Variants in ZNF493 observed in about 807,000 individuals in gnomAD.
ZNF493 encodes the protein zinc finger protein 493.
Under a neutral mutation model 12.2 loss-of-function variants are expected in ZNF493, and 11 were observed. The ratio of observed to expected loss-of-function variants is 0.90; its 90% CI spans 0.57 to 1.50. The LOEUF is 1.50. ZNF493 is among the 40% of genes most tolerant of loss of function. The pLI is 0.00. For missense variants in ZNF493, 950 were observed against 906.6 expected (o/e 1.05, Z -0.61); for synonymous variants, 286 against 302.6 (o/e 0.95, Z 0.57).
At position 21,423,596 on chromosome 19, in the gene ZNF493, A is replaced by G; in HGVS notation, c.937A>G (p.Ile313Val). 2 of 1,609,636 alleles carry G rather than the reference A, an allele frequency of 1.2e-6. No homozygotes were observed. Among genetic ancestry groups the G allele is most frequent in the East Asian group, 2.2e-5 (1 of 44,788 alleles). Residue 313 changes from isoleucine to valine, a missense_variant, in exon 4 of 4, where the codon ATA becomes GTA. By Grantham distance (29) the Ile-to-Val change is conservative (BLOSUM62 3). Coordinates refer to ENST00000392288, the MANE Select transcript of ZNF493 (RefSeq NM_001076678.3). ...NQSSTLTGHK[I>V]IHNGEKPYKC... ...ATCTTCAACCCTTACTGGACATAAG[A>G]TAATTCATAATGGAGAAAAACCCTA...
chr19:21,424,178 CATAAA>C lies in ZNF493; in HGVS notation c.1524_1528del (p.Lys508AsnfsTer11). ...TAACCAATCTTCAACCCTTAGTATA[CATAAA>C]ATAATTCATACTGGAGAAAAACCCT... On this transcript the variant is annotated frameshift_variant, in exon 4 of 4. Coordinates refer to ENST00000392288, the MANE Select transcript of ZNF493 (RefSeq NM_001076678.3). LOFTEE classifies it low-confidence loss of function (END_TRUNC). 1 of 1,613,536 alleles carries C rather than the reference CATAAA, an allele frequency of 6.2e-7. No individual in the cohort carries two copies. The highest frequency in any genetic ancestry group is 8.5e-7 in the Non-Finnish European group (1 of 1,179,774).
At chr19:21,416,927 C>T (rs1008375712) in intron 3 of ZNF493, among the ~76,000 whole-genome samples, 1 of 152,182 alleles carries the variant, frequency 6.6e-6, no homozygotes, top group African/African-American at 2.4e-5. Flanking sequence ...CTGTTGGGAA[C>T]TTTAGCGGGG....
chr19:21,413,480 T>C (rs1438222745), intron 3 of ZNF493: 6 of 405,030 alleles, frequency 1.5e-5, no homozygotes, highest in African/African-American at 1.0e-4. Flanking sequence ...TCTTCCGCCA[T>C]CTGTGACAGC....
intron 3 of ZNF493, chr19:21,408,878 T>TTTA: frequency 1.2e-6 from 1 of 850,560 alleles, no homozygotes; most frequent in Non-Finnish European, 1.4e-6. Context: ...TCTTTCTTTC[T>TTTA]TTCTTTTTTT....
Position 21,423,300 on chromosome 19 carries a change from A to C in ZNF493, c.641A>C (p.Glu214Ala), listed in dbSNP as rs1043949679. The change falls in exon 4 of 4, where the codon GAA becomes GCA. Residue 214 changes from glutamate (E) to alanine (A), a missense_variant. By Grantham distance (107) the Glu-to-Ala change is moderately radical (BLOSUM62 -1). Coordinates refer to ENST00000392288, the MANE Select transcript of ZNF493 (RefSeq NM_001076678.3). ...HIRENSYRCE[E>A]CGKAFIWFST... ...AGAGAGAATTCTTACCGATGTGAAGAATGTGGCAAAGCCTTTATCTGGTTT... is the reference window on the plus strand; with the variant it reads ...AGAGAGAATTCTTACCGATGTGAAGCATGTGGCAAAGCCTTTATCTGGTTT... 3.7e-6 allele frequency: 6 copies of C among 1,613,774 alleles called. No homozygotes were observed. In the Admixed American group the frequency reaches 1.0e-4, roughly 27 times the overall value.
intron 1 of ZNF493, among the ~76,000 whole-genome samples, chr19:21,402,295 T>C (rs2029974259): frequency 6.6e-6 from 1 of 152,170 alleles, no homozygotes. Context: ...CTAATTCAAT[T>C]TTGGAGCTTG....
At chr19:21,408,392 G>A in intron 3 of ZNF493, 1 of 975,694 alleles carries the variant, frequency 1.0e-6, no homozygotes, top group Non-Finnish European at 1.2e-6. Context: ...GGCCTCCTGG[G>A]TGCTGGGATT....
Position 21,424,298 on chromosome 19 carries a change from T to A in ZNF493, c.1639T>A (p.Cys547Ser), listed in dbSNP as rs1312474759. The part of the protein sequence containing the change: ...MIHTGEKPYK[C>S]EECGKAFNRS... Reference sequence around the variant, plus strand: ...TCACACTGGAGAAAAACCCTACAAATGTGAAGAATGTGGCAAAGCTTTTAA... The same window carrying A: ...TCACACTGGAGAAAAACCCTACAAAAGTGAAGAATGTGGCAAAGCTTTTAA... Residue 547 changes from cysteine to serine, a missense_variant, in exon 4 of 4, where the codon TGT (cysteine) becomes AGT (serine). Cys to Ser is a moderately radical substitution (Grantham distance 112, BLOSUM62 -1). Coordinates refer to ENST00000392288, the MANE Select transcript of ZNF493 (RefSeq NM_001076678.3). The A allele has an allele frequency of 6.2e-7, 1 of 1,613,558 alleles. No homozygotes were observed. The highest frequency in any genetic ancestry group is 8.5e-7 in the Non-Finnish European group (1 of 1,179,788).
At chr19:21,419,143 CA>C (rs796357735) in intron 3 of ZNF493, among the ~76,000 whole-genome samples, 3 of 152,154 alleles carry the variant, frequency 2.0e-5, no homozygotes, top group African/African-American at 7.2e-5. Flanking sequence ...GATGGTTATC[CA>C]GAGCCATGTG....
chr19:21,413,545 C>T (rs920762203), intron 3 of ZNF493: 4 of 402,688 alleles, frequency 9.9e-6, no homozygotes, highest in African/African-American at 8.2e-5. Context: ...GCTTGTGACG[C>T]TTGGGGTTGT....
At chr19:21,410,938 A>G (rs991285765) in intron 3 of ZNF493, among the ~76,000 whole-genome samples, 8 of 152,034 alleles carry the variant, frequency 5.3e-5, no homozygotes, top group African/African-American at 9.7e-5. Context: ...GATTACAGGC[A>G]TGCATCACCA....
intron 3 of ZNF493, among the ~76,000 whole-genome samples, chr19:21,422,468 A>AAT (rs2030708878): frequency 7.5e-6 from 1 of 132,854 alleles, no homozygotes; most frequent in Non-Finnish European, 1.6e-5. Context: ...TATTTTTATA[A>AAT]TTTTTTTTTT....
intron 3 of ZNF493, among the ~76,000 whole-genome samples, chr19:21,406,784 T>A (rs1256636466): frequency 1.3e-5 from 2 of 152,120 alleles, no homozygotes; most frequent in Non-Finnish European, 2.9e-5. Flanking sequence ...TATTGTAGTT[T>A]TTTGTAAATT....
chr19:21,421,313 CATT>C (rs1340321106), intron 3 of ZNF493, among the ~76,000 whole-genome samples: 5 of 152,054 alleles, frequency 3.3e-5, no homozygotes, highest in Non-Finnish European at 7.4e-5. Flanking sequence ...ATATTTCACT[CATT>C]GAGTGTTACT....
At chr19:21,417,533 C>A (rs973232213) in intron 3 of ZNF493, among the ~76,000 whole-genome samples, 2 of 152,196 alleles carry the variant, frequency 1.3e-5, no homozygotes, top group Admixed American at 1.3e-4. Context: ...TGTAACCAAG[C>A]TGTAAAATCC....
rs548204248 is a variant in ZNF493 at position 21,402,218 on chromosome 19, T to C, written c.31-2911T>C. The stretch of plus-strand genomic sequence containing the variant: ...TCCTGACCTTGTGATCCACCTGCCT[T>C]GGCCTCCCAAAGTGCTGGGGTTACA... On this transcript the variant is annotated intron_variant, in intron 1 of 3. Transcript: ENST00000392288. Among the ~76,000 whole-genome samples the C allele has an allele frequency of 8.4e-3, 1,271 of 151,360 alleles. 14 individuals carry two copies. Among genetic ancestry groups the C allele is most frequent in the African/African-American group, 0.028 (1,154 of 41,272 alleles).
chr19:21,410,091 T>TATATGC (rs1555730610), intron 3 of ZNF493, among the ~76,000 whole-genome samples: 1 of 144,490 alleles, frequency 6.9e-6, no homozygotes, highest in African/African-American at 2.5e-5. Flanking sequence ...TATATATATA[T>TATATGC]GCAACACTTT....
intron 3 of ZNF493, among the ~76,000 whole-genome samples, chr19:21,418,053 C>T (rs555490042): frequency 3.9e-5 from 6 of 152,322 alleles, no homozygotes; most frequent in South Asian, 2.1e-4. Context: ...ATCACTCTCT[C>T]GTCTAGCTTG....
At chr19:21,412,023 T>A (rs1414545794) in intron 3 of ZNF493, 2 of 152,134 alleles carry the variant, frequency 1.3e-5, no homozygotes, top group African/African-American at 4.8e-5. Flanking sequence ...TATCTTATAC[T>A]GCCGAGACCA....
Sources: gnomAD v4.1 joint callset for allele counts (sites outside exome capture counted in the v4.1 genomes callset) on GRCh38, gnomAD v4.1.1 for gene constraint, MANE v1.5 for transcripts, NCBI Gene and HGNC (gene_info 2026-07-23, HGNC 2026-07-21) for gene names.